The following PLSCR3 variants were observed in gnomAD, a reference collection of about 807,000 sequenced individuals.
PLSCR3 encodes the protein phospholipid scramblase 3, also known as PL scramblase 3.
Under a neutral mutation model 33.7 loss-of-function variants are expected in PLSCR3, and 17 were observed. The ratio of observed to expected loss-of-function variants is 0.50; its 90% CI spans 0.35 to 0.76. The LOEUF (loss-of-function observed/expected upper bound fraction) is 0.76. Ranked by LOEUF, PLSCR3 falls within the 30% of genes least tolerant of loss-of-function variation. The pLI is 0.01. For synonymous variants in PLSCR3, 166 were observed against 166.0 expected, an observed-to-expected ratio of 1.00 and a Z score of 0.00; for missense variants, 360 against 394.1, an observed-to-expected ratio of 0.91 and a Z score of 0.73.
rs1299890119 is a variant in PLSCR3 at position 7,394,290 on chromosome 17, T to A, written c.-157-23A>T. ...CCTCTGACTCGGGGAGAAACCCAAG[T>A]GTCAGTGGGCGGGACCGGGTACCTG... On this transcript the variant is annotated intron_variant, in intron 1 of 7. Transcript: ENST00000619711. This position sits in a 1 kb window ranked among gnomAD's most constrained non-coding sequence, Gnocchi z 5.3. 3 of 563,424 alleles carry A rather than the reference T, an allele frequency of 5.3e-6. No individual in the cohort carries two copies. The highest frequency in any genetic ancestry group is 9.5e-6 in the Non-Finnish European group (3 of 316,626). The allele number at this position is 563,424 out of a possible 1,614,324, so 34.9% of individuals were successfully genotyped here.
In PLSCR3 at chr17:7,390,286, G is replaced by T; in HGVS notation, c.*99C>A. The T allele has an allele frequency of 1.1e-6, 1 of 939,958 alleles. No homozygotes were observed. Among genetic ancestry groups the T allele is most frequent in the Non-Finnish European group, 1.6e-6 (1 of 628,884 alleles). 58.2% of individuals were successfully genotyped at this position (939,958 alleles called of 1,614,324 possible). ...TGGGGCCCCCCTTCTGTCCCCTGCA[G>T]TGTACATGGAGGAAAGGGGCTGCCC... On this transcript the variant is annotated 3_prime_UTR_variant, in exon 8 of 8. Coordinates refer to ENST00000619711, the MANE Select transcript of PLSCR3 (RefSeq NM_020360.4).
Position 7,390,392 on chromosome 17 carries a change from G to C in PLSCR3, c.881C>G (p.Thr294Ser). The C allele has an allele frequency of 6.4e-7, 1 of 1,552,380 alleles. No homozygotes were observed. The highest frequency in any genetic ancestry group is 8.7e-7 in the Non-Finnish European group (1 of 1,146,544). The change falls in exon 8 of 8, where the codon ACC (threonine) becomes AGC (serine). Residue 294 changes from threonine (T) to serine (S), a missense_variant. Thr to Ser is a moderately conservative substitution (Grantham distance 58). Transcript: ENST00000619711. ...KRGGAGPSAVTS is the reference protein window; with the variant it reads ...KRGGAGPSAVSS ...CTCACACCATGGTGGCCTCTAACTG[G>C]TGACGGCAGAGGGCCCAGCGCCTCC...
Position 7,394,168 on chromosome 17 carries a change from G to C in PLSCR3, c.-58C>G. 1.3e-6 allele frequency: 2 copies of C among 1,547,152 alleles called. No homozygotes were observed. Among genetic ancestry groups the C allele is most frequent in the Non-Finnish European group, 8.9e-7 (1 of 1,121,614 alleles). On this transcript the variant is annotated 5_prime_UTR_variant, in exon 2 of 8. Coordinates refer to ENST00000619711, the MANE Select transcript of PLSCR3 (RefSeq NM_020360.4). The surrounding 1 kb of genome is among the most constrained non-coding windows in gnomAD (Gnocchi z 5.3). Reference sequence around the variant, plus strand: ...GTCTGGGTGGCTTAGTTCTGGAAGCGGAGGCAAACTCGGAGATAGCCAGAC... The same window carrying C: ...GTCTGGGTGGCTTAGTTCTGGAAGCCGAGGCAAACTCGGAGATAGCCAGAC...
intron 2 of PLSCR3, 57 bp from the exon 3 acceptor site, chr17:7,393,893 A>G: frequency 1.7e-6 from 2 of 1,203,086 alleles, no homozygotes; most frequent in South Asian, 2.7e-5. Flanking sequence ...TCATCCCCTT[A>G]TTCCTCAGCC....
chr17:7,392,778 G>C lies in PLSCR3; in HGVS notation c.669+13C>G. 6.2e-7 allele frequency: 1 copy of C among 1,613,136 alleles called. No individual in the cohort carries two copies. Among genetic ancestry groups the C allele is most frequent in the Non-Finnish European group, 8.5e-7 (1 of 1,179,490 alleles). ...TTTACGAAGGTCCCAAGAGCCTCTA[G>C]TATTCCTGATACCTCAAAGTTGGTG... On this transcript the variant is annotated intron_variant, in intron 6 of 7. Coordinates refer to ENST00000619711, the MANE Select transcript of PLSCR3 (RefSeq NM_020360.4).
At chr17:7,392,666 G>A (rs758445919) in intron 6 of PLSCR3, 125 bp downstream of exon 6, 14 of 850,482 alleles carry the variant, frequency 1.6e-5, no homozygotes, top group South Asian at 2.7e-5. Context: ...CTACAAATGC[G>A]GTCGGAGTCA....
At position 7,394,256 on chromosome 17, in the gene PLSCR3, T is replaced by A; in HGVS notation, c.-146A>T. The A allele has an allele frequency of 4.4e-6, 3 of 688,430 alleles. No homozygotes were observed. 42.6% of individuals were successfully genotyped at this position (688,430 alleles called of 1,614,324 possible). On this transcript the variant is annotated 5_prime_UTR_variant, in exon 2 of 8. Transcript: ENST00000619711. The surrounding 1 kb of genome is among the most constrained non-coding windows in gnomAD (Gnocchi z 5.3). ...CGCCCGGCGCCGGCCCAGGGTCTCT[T>A]GGGCGGCGCCTCTGACTCGGGGAGA...
chr17:7,393,914 G>A, intron 2 of PLSCR3, 78 bp from the exon 3 acceptor site: 2 of 1,124,992 alleles, frequency 1.8e-6, no homozygotes, highest in East Asian at 2.5e-5. Context: ...CATGGGCCGC[G>A]AGGCTTCGGG....
chr17:7,394,191 GACAGAC>G lies in PLSCR3; in HGVS notation c.-87_-82del. On this transcript the variant is annotated 5_prime_UTR_variant, in exon 2 of 8. Transcript: ENST00000619711. The surrounding 1 kb of genome is among the most constrained non-coding windows in gnomAD (Gnocchi z 5.3). ...GCGGAGGCAAACTCGGAGATAGCCAGACAGACACAGAGACAGACACAAAGACGGAGA... is the reference window on the plus strand; with the variant it reads ...GCGGAGGCAAACTCGGAGATAGCCAGACAGAGACAGACACAAAGACGGAGA... 3.7e-6 allele frequency: 5 copies of G among 1,349,324 alleles called. No individual in the cohort carries two copies. The South Asian group carries it at 6.0e-5, about 16-fold the overall frequency. The allele number at this position is 1,349,324 out of a possible 1,614,324, so 83.6% of individuals were successfully genotyped here.
Position 7,393,274 on chromosome 17 carries a change from C to A in PLSCR3, c.377G>T (p.Cys126Phe). The change falls in exon 5 of 8, where the codon TGC becomes TTC. Residue 126 changes from cysteine (C) to phenylalanine (F), a missense_variant. By Grantham distance (205) the Cys-to-Phe change is radical. Transcript: ENST00000619711. ...GCGGGCGCCACAGCACAGACGGGCG[C>A]AGCAGTTGCTCTCCTCGGCCGCCTG... ...LGQAAEESNCCARLCCGARRP... is the reference protein window; with the variant it reads ...LGQAAEESNCFARLCCGARRP... 1 of 1,607,160 alleles carries A rather than the reference C, an allele frequency of 6.2e-7. No individual in the cohort carries two copies.
At chr17:7,393,112 G>GGCCCCCCCCCCCCCCCCCCCCCCCCCCC in intron 5 of PLSCR3, 32 bp downstream of exon 5, 4 of 1,256,048 alleles carry the variant, frequency 3.2e-6, no homozygotes, top group Admixed American at 2.8e-5. Flanking sequence ...CCCCACCAAG[G>GGCCCCCCCCCCCCCCCCCCCCCCCCCCC]CCCGCCCTCC....
chr17:7,393,207 C>T lies in PLSCR3; in HGVS notation c.444G>A (p.Glu148=), dbSNP rs2143219380. ...RVRLADPGDR[E]VLRLLRPLHC... ...GCAGCGGGCGGAGCAAACGCAGCACCTCACGGTCCCCGGGGTCGGCCAGGC... is the reference window on the plus strand; with the variant it reads ...GCAGCGGGCGGAGCAAACGCAGCACTTCACGGTCCCCGGGGTCGGCCAGGC... Residue 148 remains glutamate (E), a synonymous_variant, in exon 5 of 8, where the codon GAG becomes GAA. Transcript: ENST00000619711. 5 of 1,556,024 alleles carry T rather than the reference C, an allele frequency of 3.2e-6. 1 individual carries two copies. In the Admixed American group the frequency reaches 7.9e-5, roughly 25 times the overall value.
chr17:7,391,139 T>C lies in PLSCR3; in HGVS notation c.670-344A>G, dbSNP rs3785934. Among the ~76,000 whole-genome samples the C allele has an allele frequency of 3.4e-3, 513 of 152,320 alleles. 20 individuals are homozygous for C. The East Asian group carries it at 0.089, about 26-fold the overall frequency. ...ACCCCCTTAGGGTATGGCTGTTTGC[T>C]AGGTTTGCTCTGGTTCCCAATGCCC... On this transcript the variant is annotated intron_variant, in intron 6 of 7. Transcript: ENST00000619711. This position sits in a 1 kb window ranked among gnomAD's most constrained non-coding sequence, Gnocchi z 4.1.
Position 7,390,664 on chromosome 17 carries a change from C to T in PLSCR3, c.801G>A (p.Lys267=), listed in dbSNP as rs1463028174. 1.9e-6 allele frequency: 3 copies of T among 1,614,150 alleles called. No homozygotes were observed. Among genetic ancestry groups the T allele is most frequent in the South Asian group, 1.1e-5 (1 of 91,090 alleles). ...QFPLDLDVRV[K]AVLLGATFLI... ...GGAATGTGGCTCCCAGCAGCACAGC[C>T]TTCACCCTCACATCCAGGTCCAGCG... The change falls in exon 7 of 8, where the codon AAG becomes AAA. Residue 267 remains lysine (K), a synonymous_variant. Transcript: ENST00000619711.
chr17:7,392,675 C>A, intron 6 of PLSCR3, 116 bp downstream of exon 6: 2 of 952,440 alleles, frequency 2.1e-6, no homozygotes, highest in East Asian at 4.8e-5. Context: ...CGGTCGGAGT[C>A]ACAGTGGATT....
chr17:7,390,563 C>T, intron 7 of PLSCR3, 71 bp downstream of exon 7: 1 of 1,589,036 alleles, frequency 6.3e-7, no homozygotes, highest in South Asian at 1.1e-5. Context: ...AGCAAGAGGC[C>T]AGGAAATGCA....
Position 7,391,383 on chromosome 17 carries a change from C to T in PLSCR3, c.670-588G>A, listed in dbSNP as rs1905678505. Among the ~76,000 whole-genome samples, 1 of 152,256 alleles carries T rather than the reference C, an allele frequency of 6.6e-6. No individual in the cohort carries two copies. The highest frequency in any genetic ancestry group is 2.1e-4 in the South Asian group (1 of 4,836). ...CATCTAGAGAGGGATACATGCCTAT[C>T]TACTGTGGAGAGAGGCAGCAGTAAG... On this transcript the variant is annotated intron_variant, in intron 6 of 7. Transcript: ENST00000619711. This position sits in a 1 kb window ranked among gnomAD's most constrained non-coding sequence, Gnocchi z 4.1.
rs942205472 is a variant in PLSCR3, at chr17:7,391,801, T to C, written c.669+990A>G. 1.3e-5 allele frequency among the ~76,000 whole-genome samples: 2 copies of C among 152,230 alleles called. No individual in the cohort carries two copies. Among genetic ancestry groups the C allele is most frequent in the African/African-American group, 4.8e-5 (2 of 41,454 alleles). On this transcript the variant is annotated intron_variant, in intron 6 of 7. Coordinates refer to ENST00000619711, the MANE Select transcript of PLSCR3 (RefSeq NM_020360.4). The surrounding 1 kb of genome is among the most constrained non-coding windows in gnomAD (Gnocchi z 4.1). Reference sequence around the variant, plus strand: ...GTGACTCATTTTTGCAAAGTAACCTTAGGTAGGGTACCTCATTAGAAGCGT... The same window carrying C: ...GTGACTCATTTTTGCAAAGTAACCTCAGGTAGGGTACCTCATTAGAAGCGT...
At position 7,393,802 on chromosome 17, in the gene PLSCR3, G is replaced by A. The variant is rs2277641; in HGVS notation, c.42C>T (p.Pro14=). The stretch of plus-strand genomic sequence containing the variant: ...CAGGGGTGACAGGGTAGGGAGGTGG[G>A]GGCGAAGGGGCGTAGCCTTTGGGGG... ...YLPPKGYAPS[P]PPPYPVTPGY... Residue 14 remains proline (P), a synonymous_variant, in exon 3 of 8, where the codon CCC becomes CCT. Coordinates refer to ENST00000619711, the MANE Select transcript of PLSCR3 (RefSeq NM_020360.4). The A allele has an allele frequency of 0.025, 37,190 of 1,510,886 alleles. 724 individuals carry two copies. The highest frequency in any genetic ancestry group is 0.11 in the East Asian group (4,313 of 40,844). The allele number at this position is 1,510,886 out of a possible 1,614,324, so 93.6% of individuals were successfully genotyped here.
Sources: gnomAD v4.1 joint callset for allele counts (sites outside exome capture counted in the v4.1 genomes callset) on GRCh38, gnomAD v4.1.1 for gene constraint, Gnocchi (gnomAD v3.1) non-coding constraint, MANE v1.5 for transcripts, NCBI Gene and HGNC (gene_info 2026-07-23, HGNC 2026-07-21) for gene names.